IL21R: variants seen among roughly 807,000 people sequenced by gnomAD.
The protein encoded by IL21R is interleukin-21 receptor.
A neutral mutation model predicts 41.3 loss-of-function variants in IL21R; 14 were observed. The ratio of observed to expected loss-of-function variants is 0.34; its 90% CI spans 0.22 to 0.53. The LOEUF is 0.53. Among genes scored for constraint, IL21R ranks in the 20% least tolerant of loss-of-function variants. The probability of loss-of-function intolerance (pLI) is 0.94; values close to 1 mark genes in which losing one functional copy is unlikely to be tolerated. For missense variants in IL21R, 588 were observed against 681.6 expected (o/e 0.86, Z 1.53); for synonymous variants, 286 against 287.6 (o/e 0.99, Z 0.05).
intron 1 of IL21R, chr16:27,427,395 TTGTC>T (rs1191879374): frequency 5.6e-6 from 5 of 895,398 alleles, no homozygotes; most frequent in Non-Finnish European, 6.7e-6. Context: ...AGTTTTTTGT[TTGTC>T]TGTTTGTTTT....
At chr16:27,406,387 G>T (rs1455579107) in intron 1 of IL21R, among the ~76,000 whole-genome samples, 1 of 152,046 alleles carries the variant, frequency 6.6e-6, no homozygotes, top group African/African-American at 2.4e-5. Context: ...AGATTGCACA[G>T]GCAGCGGGGG....
rs2087530468 is a variant in IL21R, at chr16:27,448,709, A to G, written c.1043A>G (p.Lys348Arg). Residue 348 changes from lysine to arginine, a missense_variant, in exon 9 of 9, where the codon AAG becomes AGG. Coordinates refer to ENST00000337929, the MANE Select transcript of IL21R (RefSeq NM_181078.3). Reference sequence around the variant, plus strand: ...CTGGTGGAGTCTGACGGTGTGCCCAAGCCCAGCTTCTGGCCGACAGCCCAG... The same window carrying G: ...CTGGTGGAGTCTGACGGTGTGCCCAGGCCCAGCTTCTGGCCGACAGCCCAG... ...AELVESDGVP[K>R]PSFWPTAQNS... The G allele has an allele frequency of 1.2e-6, 2 of 1,613,326 alleles. No individual in the cohort carries two copies. Among genetic ancestry groups the G allele is most frequent in the Non-Finnish European group, 1.7e-6 (2 of 1,180,014 alleles).
intron 3 of IL21R, among the ~76,000 whole-genome samples, chr16:27,436,793 C>G (rs1426575719): frequency 6.6e-6 from 1 of 152,120 alleles, no homozygotes; most frequent in Non-Finnish European, 1.5e-5. Context: ...GATTTGGGGA[C>G]TGGGCGAGGT....
At chr16:27,427,368 A>G (rs936241225) in intron 1 of IL21R, 6 of 970,496 alleles carry the variant, frequency 6.2e-6, no homozygotes, top group Non-Finnish European at 7.3e-6. Context: ...AGAGGTAAGA[A>G]ATTAGGAGGG....
Position 27,439,384 on chromosome 16 carries a change from G to A in IL21R, c.352+1697G>A, listed in dbSNP as rs373615200. 4.2e-4 allele frequency among the ~76,000 whole-genome samples: 62 copies of A among 148,992 alleles called. 1 individual carries two copies. Among genetic ancestry groups the A allele is most frequent in the Admixed American group, 1.5e-3 (23 of 14,964 alleles). On this transcript the variant is annotated intron_variant, in intron 4 of 8. Coordinates refer to ENST00000337929, the MANE Select transcript of IL21R (RefSeq NM_181078.3). The stretch of plus-strand genomic sequence containing the variant: ...CATACACACACACACACACACACAC[G>A]TACACAATACACACACACTCACACA...
intron 1 of IL21R, among the ~76,000 whole-genome samples, chr16:27,405,869 G>A (rs1216780415): frequency 6.6e-6 from 1 of 152,272 alleles, no homozygotes; most frequent in Non-Finnish European, 1.5e-5. Flanking sequence ...GCCCCCGACT[G>A]CCCAGGACAT....
chr16:27,434,027 G>C (rs890026347), intron 2 of IL21R, among the ~76,000 whole-genome samples: 1 of 152,126 alleles, frequency 6.6e-6, no homozygotes, highest in African/African-American at 2.4e-5. Flanking sequence ...TGGCCAGGAG[G>C]GACACAGACC....
chr16:27,403,525 G>A (rs759399779), intron 1 of IL21R, among the ~76,000 whole-genome samples: 16 of 152,298 alleles, frequency 1.1e-4, no homozygotes, highest in East Asian at 7.7e-4. Flanking sequence ...ACCCGGCCAC[G>A]CGCCTTCCTC....
At chr16:27,431,078 C>T (rs528845197) in intron 2 of IL21R, among the ~76,000 whole-genome samples, 3 of 152,208 alleles carry the variant, frequency 2.0e-5, no homozygotes, top group South Asian at 2.1e-4. Context: ...CATGAGGAGG[C>T]GGGATCCAGC....
At chr16:27,441,046 CAAA>C (rs35321284) in intron 4 of IL21R, among the ~76,000 whole-genome samples, 805 of 68,336 alleles carry the variant, frequency 0.012, 2 homozygotes, top group African/African-American at 0.038. Context: ...GATTCTGTCT[CAAA>C]AAAAAAAAAA....
At position 27,448,730 on chromosome 16, in the gene IL21R, C is replaced by A. The variant is rs1217511255; in HGVS notation, c.1064C>A (p.Ala355Asp). The change falls in exon 9 of 9, where the codon GCC (alanine) becomes GAC (aspartate). Residue 355 changes from alanine to aspartate, a missense_variant. Coordinates refer to ENST00000337929, the MANE Select transcript of IL21R (RefSeq NM_181078.3). ...CCCAAGCCCAGCTTCTGGCCGACAG[C>A]CCAGAACTCGGGGGGCTCAGCTTAC... is the stretch of plus-strand genomic sequence containing the variant. ...GVPKPSFWPT[A>D]QNSGGSAYSE... is the part of the protein sequence containing the mutation. The A allele has an allele frequency of 7.4e-6, 12 of 1,613,454 alleles. No individual in the cohort carries two copies. Among genetic ancestry groups the A allele is most frequent in the Non-Finnish European group, 1.0e-5 (12 of 1,180,004 alleles).
chr16:27,439,361 T>C (rs931487919), intron 4 of IL21R, among the ~76,000 whole-genome samples: 5 of 139,204 alleles, frequency 3.6e-5, no homozygotes, highest in Non-Finnish European at 6.0e-5. Context: ...CACACATACA[T>C]ACACACACAC....
chr16:27,405,862 C>T (rs1356994903), intron 1 of IL21R, among the ~76,000 whole-genome samples: 1 of 152,256 alleles, frequency 6.6e-6, no homozygotes, highest in African/African-American at 2.4e-5. Context: ...AAGGAGGGCC[C>T]CCGACTGCCC....
chr16:27,404,071 C>T (rs2086702368), intron 1 of IL21R, among the ~76,000 whole-genome samples: 1 of 152,200 alleles, frequency 6.6e-6, no homozygotes, highest in Non-Finnish European at 1.5e-5. Context: ...GCTTGGGTAG[C>T]TTCTGGGAAG....
At chr16:27,438,268 C>T (rs1320546285) in intron 4 of IL21R, among the ~76,000 whole-genome samples, 2 of 151,686 alleles carry the variant, frequency 1.3e-5, no homozygotes, top group African/African-American at 2.4e-5. Flanking sequence ...CATAATGAGG[C>T]GAATGGACGA....
At position 27,444,550 on chromosome 16, in the gene IL21R, G is replaced by A. The variant is rs1485014350; in HGVS notation, c.516G>A (p.Arg172=). 2.0e-6 allele frequency: 3 copies of A among 1,512,074 alleles called. No individual in the cohort carries two copies. The highest frequency in any genetic ancestry group is 2.7e-6 in the Non-Finnish European group (3 of 1,129,066). 93.7% of individuals were successfully genotyped at this position (1,512,074 alleles called of 1,614,324 possible). A position where few individuals can be genotyped will look rare whatever the true frequency, so the allele number is the denominator to read the frequency against. ...NRGDPWAVSP[R]RKLISVDSRS... Reference sequence around the variant, plus strand: ...TTTCCTTGTACTGGCAGAGTCCGAGGAGAAAGCTGATCTCAGTGGACTCAA... The same window carrying A: ...TTTCCTTGTACTGGCAGAGTCCGAGAAGAAAGCTGATCTCAGTGGACTCAA... Residue 172 remains arginine (R), a synonymous_variant, in exon 6 of 9, where the codon AGG becomes AGA. Transcript: ENST00000337929.
At chr16:27,421,124 T>C (rs2086992933) in intron 1 of IL21R, among the ~76,000 whole-genome samples, 1 of 152,110 alleles carries the variant, frequency 6.6e-6, no homozygotes, top group African/African-American at 2.4e-5. Context: ...AACATAAATA[T>C]ATGCACTTCT....
At chr16:27,438,516 G>T (rs2087314032) in intron 4 of IL21R, among the ~76,000 whole-genome samples, 1 of 152,098 alleles carries the variant, frequency 6.6e-6, no homozygotes, top group African/African-American at 2.4e-5. Flanking sequence ...CTTGAACCTG[G>T]GGCTTTAAGA....
chr16:27,420,355 A>G (rs1431215573), intron 1 of IL21R, among the ~76,000 whole-genome samples: 1 of 152,230 alleles, frequency 6.6e-6, no homozygotes. Flanking sequence ...GCAGTCTGTC[A>G]TTGAATGAAA....
Sources: gnomAD v4.1 joint callset for allele counts (sites outside exome capture counted in the v4.1 genomes callset) on GRCh38, gnomAD v4.1.1 for gene constraint, MANE v1.5 for transcripts, NCBI Gene and HGNC (gene_info 2026-07-23, HGNC 2026-07-21) for gene names.